NLRP14: variants seen among roughly 807,000 people sequenced by gnomAD.
NLRP14 encodes NACHT, LRR and PYD domains-containing protein 14.
NLRP14 carries 105 observed loss-of-function variants against 94.7 expected under a neutral mutation model. That is an observed-to-expected ratio of 1.11 (90% CI 0.95 to 1.30). The LOEUF (loss-of-function observed/expected upper bound fraction) is 1.30. NLRP14 is among the 50% of genes most tolerant of loss of function. The probability of loss-of-function intolerance (pLI) is 0.00; values close to 1 mark genes in which losing one functional copy is unlikely to be tolerated. For synonymous variants in NLRP14, 508 were observed against 459.9 expected, an observed-to-expected ratio of 1.10 and a Z score of -1.34; for missense variants, 1,362 against 1,254.1, an observed-to-expected ratio of 1.09 and a Z score of -1.30.
At chr11:7,084,902 C>A in the NLRP14 span, among the ~76,000 whole-genome samples, 1 of 152,128 alleles carries the variant, frequency 6.6e-6, no homozygotes, top group Admixed American at 6.5e-5. Flanking sequence ...GAAATAAGCC[C>A]TTTGAGGTCT....
At chr11:7,036,263 C>G (rs1311546707) in intron 1 of NLRP14, among the ~76,000 whole-genome samples, 1 of 152,164 alleles carries the variant, frequency 6.6e-6, no homozygotes, top group Non-Finnish European at 1.5e-5. Flanking sequence ...AGAAACAGTG[C>G]CAAACATGTG....
intron 6 of NLRP14, among the ~76,000 whole-genome samples, chr11:7,054,691 T>A (rs1368133245): frequency 6.6e-6 from 1 of 152,132 alleles, no homozygotes; most frequent in Non-Finnish European, 1.5e-5. Context: ...ATGTAATATA[T>A]TCTCGTTATT....
At position 7,043,918 on chromosome 11, in the gene NLRP14, T is replaced by C; in HGVS notation, c.1892T>C (p.Ile631Thr). ...AAGCACTGCCGGTGTTTGCGGACCA[T>C]CAGGCTGTCTGTAACTGTGGTATTT... Reference protein sequence around the residue: ...CLKHCRCLRTIRLSVTVVFEK... With the variant: ...CLKHCRCLRTTRLSVTVVFEK... The change falls in exon 4 of 12, where the codon ATC (isoleucine) becomes ACC (threonine). Residue 631 changes from isoleucine (I) to threonine (T), a missense_variant. By Grantham distance (89) the Ile-to-Thr change is moderately conservative. Coordinates refer to ENST00000299481, the MANE Select transcript of NLRP14 (RefSeq NM_176822.4). The C allele has an allele frequency of 6.2e-7, 1 of 1,614,144 alleles. No homozygotes were observed. The highest frequency in any genetic ancestry group is 2.2e-5 in the East Asian group (1 of 44,882).
At position 7,070,299 on chromosome 11, in the gene NLRP14, G is replaced by GACATCTCTACAGTTT. The variant is rs752862995; in HGVS notation, c.2989_2990insACATCTCTACAGTTT (p.Gly997delinsAspIleSerThrValCys). 67 of 1,610,432 alleles carry GACATCTCTACAGTTT rather than the reference G, an allele frequency of 4.2e-5. No individual in the cohort carries two copies. In the East Asian group the frequency reaches 1.4e-3, roughly 35 times the overall value. ...TCTTCTCTACAGGTTGGAATACTGT[G>GACATCTCTACAGTTT]GTTTGACATCTCTCTGCTGTCAAGA... On this transcript the variant is annotated protein_altering_variant, in exon 11 of 12. Transcript: ENST00000299481.
intron 1 of NLRP14, among the ~76,000 whole-genome samples, chr11:7,029,047 G>A (rs1852054482): frequency 6.6e-6 from 1 of 152,108 alleles, no homozygotes; most frequent in African/African-American, 2.4e-5. Context: ...AAGAAAAAAT[G>A]TAAAAGGATA....
intron 1 of NLRP14, among the ~76,000 whole-genome samples, chr11:7,033,640 A>G (rs757305836): frequency 2.2e-4 from 33 of 152,198 alleles, no homozygotes; most frequent in Non-Finnish European, 4.0e-4. Context: ...TCAGTTGTCT[A>G]TTTGCCATAT....
At chr11:7,051,854 C>A (rs1852445909) in intron 6 of NLRP14, among the ~76,000 whole-genome samples, 1 of 152,188 alleles carries the variant, frequency 6.6e-6, no homozygotes, top group Non-Finnish European at 1.5e-5. Context: ...ATCTCCTGAC[C>A]TTGTGATCCG....
intron 7 of NLRP14, 95 bp from the exon 8 acceptor site, chr11:7,058,185 T>G: frequency 6.1e-6 from 6 of 978,794 alleles, no homozygotes; most frequent in Non-Finnish European, 9.8e-6. Flanking sequence ...AGTTGAGGTA[T>G]GGGGGTTATA....
chr11:7,042,104 G>T (rs999693338), intron 3 of NLRP14, among the ~76,000 whole-genome samples: 2 of 151,252 alleles, frequency 1.3e-5, no homozygotes, highest in African/African-American at 4.9e-5. Flanking sequence ...GTACAAAGAA[G>T]AAAAAATATT....
chr11:7,083,131 C>T, the NLRP14 span, among the ~76,000 whole-genome samples: 1 of 152,220 alleles, frequency 6.6e-6, no homozygotes, highest in South Asian at 2.1e-4. Context: ...CCAGCATCTT[C>T]TCCCACTCCC....
At chr11:7,049,645 A>T (rs1852412734) in intron 5 of NLRP14, 26 bp from the exon 6 acceptor site, 1 of 1,557,248 alleles carries the variant, frequency 6.4e-7, no homozygotes. Context: ...GTTTTGTAAT[A>T]CCTCCTGCAT....
At chr11:7,031,920 C>T (rs1302397230) in intron 1 of NLRP14, among the ~76,000 whole-genome samples, 1 of 152,224 alleles carries the variant, frequency 6.6e-6, no homozygotes, top group Non-Finnish European at 1.5e-5. Context: ...CGGCGTTGGT[C>T]ATCCTCTCTA....
the NLRP14 span, among the ~76,000 whole-genome samples, chr11:7,084,827 G>T: frequency 6.6e-6 from 1 of 152,196 alleles, no homozygotes; most frequent in East Asian, 1.9e-4. Context: ...AGTCGGATAA[G>T]CAGTGTAGGT....
At chr11:7,040,251 C>G (rs1339010925) in intron 3 of NLRP14, among the ~76,000 whole-genome samples, 1 of 152,142 alleles carries the variant, frequency 6.6e-6, no homozygotes, top group Non-Finnish European at 1.5e-5. Context: ...CCCTACTGGT[C>G]GGCGGCCCCT....
Position 7,046,775 on chromosome 11 carries a change from C to G in NLRP14, c.2066C>G (p.Ala689Gly), listed in dbSNP as rs199475884. The G allele has an allele frequency of 1.5e-5, 25 of 1,613,320 alleles. No individual in the cohort carries two copies. In the African/African-American group the frequency reaches 1.9e-4, roughly 12 times the overall value. The change falls in exon 5 of 12, where the codon GCA becomes GGA. Residue 689 changes from alanine to glycine, a missense_variant. By Grantham distance (60) the Ala-to-Gly change is moderately conservative. Coordinates refer to ENST00000299481, the MANE Select transcript of NLRP14 (RefSeq NM_176822.4). ...DLYHSNLDKS[A>G]MNILHHELRH... ...TACCATAGCAACCTTGATAAATCAG[C>G]AATGAATATCCTGCATCATGAACTA...
the NLRP14 span, among the ~76,000 whole-genome samples, chr11:7,078,704 C>A: frequency 6.6e-6 from 1 of 151,692 alleles, no homozygotes; most frequent in African/African-American, 2.4e-5. Flanking sequence ...AGGAGAATTG[C>A]TTGAACCCGG....
chr11:7,036,923 T>G (rs1852170287), intron 1 of NLRP14, among the ~76,000 whole-genome samples: 1 of 152,132 alleles, frequency 6.6e-6, no homozygotes, highest in Admixed American at 6.6e-5. Flanking sequence ...AAGATAGATT[T>G]CTAATGGATT....
At position 7,042,480 on chromosome 11, in the gene NLRP14, C is replaced by T. The variant is rs1852270078; in HGVS notation, c.454C>T (p.His152Tyr). Reference sequence around the variant, plus strand: ...GGCTGGAAAGCCTGAAGATTTCCATCATGGAATTGCAGAGAAAGATAGAAA... The same window carrying T: ...GGCTGGAAAGCCTGAAGATTTCCATTATGGAATTGCAGAGAAAGATAGAAA... ...SLAGKPEDFH[H>Y]GIAEKDRKLL... Residue 152 changes from histidine to tyrosine, a missense_variant, in exon 4 of 12, where the codon CAT becomes TAT. His to Tyr is a moderately conservative substitution (Grantham distance 83). Coordinates refer to ENST00000299481, the MANE Select transcript of NLRP14 (RefSeq NM_176822.4). 1.2e-6 allele frequency: 2 copies of T among 1,613,826 alleles called. No homozygotes were observed. The highest frequency in any genetic ancestry group is 2.2e-5 in the East Asian group (1 of 44,894).
the NLRP14 span, chr11:7,089,909 C>A: frequency 6.2e-7 from 1 of 1,612,912 alleles, no homozygotes; most frequent in Non-Finnish European, 8.5e-7. Context: ...GAGACGGCTA[C>A]GGAGGTCGCG....
Sources: allele counts gnomAD v4.1 joint callset (sites outside exome capture counted in the v4.1 genomes callset), GRCh38; gene constraint gnomAD v4.1.1; transcripts MANE v1.5; gene names NCBI Gene and HGNC (gene_info 2026-07-23, HGNC 2026-07-21).